The following CUL1 variants were observed in gnomAD, a reference collection of about 807,000 sequenced individuals.
The protein encoded by CUL1 is cullin 1.
CUL1 carries 24 observed loss-of-function variants against 118.0 expected under a neutral mutation model. The ratio of observed to expected loss-of-function variants is 0.20; its 90% CI spans 0.15 to 0.29. The LOEUF is 0.29. Among genes scored for constraint, CUL1 ranks in the 10% least tolerant of loss-of-function variants. The pLI, the probability that CUL1 is intolerant of heterozygous loss-of-function variation, is 1.00. For synonymous variants in CUL1, 332 were observed against 340.4 expected, an observed-to-expected ratio of 0.98 and a Z score of 0.27; for missense variants, 361 against 933.8, an observed-to-expected ratio of 0.39 and a Z score of 7.99.
intron 9 of CUL1, among the ~76,000 whole-genome samples, chr7:148,769,853 G>A (rs1244280178): frequency 6.6e-6 from 1 of 151,970 alleles, no homozygotes; most frequent in African/African-American, 2.4e-5. Context: ...AATGTAGTGA[G>A]ACCCTGTCTC....
At chr7:148,776,184 T>C (rs1222954675) in intron 9 of CUL1, among the ~76,000 whole-genome samples, 1 of 146,216 alleles carries the variant, frequency 6.8e-6, no homozygotes, top group Non-Finnish European at 1.5e-5. Flanking sequence ...AAGACCCCCC[T>C]CTGCCTTGGT....
chr7:148,745,470 G>A (rs946690142), intron 2 of CUL1, among the ~76,000 whole-genome samples: 7 of 152,070 alleles, frequency 4.6e-5, no homozygotes, highest in Non-Finnish European at 8.8e-5. Flanking sequence ...TCTTTTGGTG[G>A]TTCTCTGGTG....
rs531969691 is a variant in CUL1, at chr7:148,754,393, G to C, written c.315+243G>C. Among the ~76,000 whole-genome samples, 9 of 151,876 alleles carry C rather than the reference G, an allele frequency of 5.9e-5. No homozygotes were observed. In the South Asian group the frequency reaches 1.0e-3, roughly 18 times the overall value. On this transcript the variant is annotated intron_variant, in intron 3 of 21. Coordinates refer to ENST00000325222, the MANE Select transcript of CUL1 (RefSeq NM_003592.3). ...ACTATGTTGCCCAGGCTGGATTTTT[G>C]ATCTCCTGGGCTCAAGTGATCCTTC...
At chr7:148,743,499 C>A (rs934178294) in intron 2 of CUL1, among the ~76,000 whole-genome samples, 6 of 152,220 alleles carry the variant, frequency 3.9e-5, no homozygotes, top group Non-Finnish European at 8.8e-5. Flanking sequence ...CCATACAGAT[C>A]ATCCAAGTTG....
intron 3 of CUL1, among the ~76,000 whole-genome samples, chr7:148,756,313 T>C (rs1584794240): frequency 6.6e-6 from 1 of 152,170 alleles, no homozygotes; most frequent in Non-Finnish European, 1.5e-5. Context: ...TCTGAATTGC[T>C]AAGTAGGACA....
chr7:148,739,296 A>G (rs542220833), intron 2 of CUL1, among the ~76,000 whole-genome samples: 1 of 152,288 alleles, frequency 6.6e-6, no homozygotes, highest in East Asian at 1.9e-4. Flanking sequence ...ATTTCTCCAT[A>G]TAGTTCAGTT....
intron 2 of CUL1, among the ~76,000 whole-genome samples, chr7:148,752,097 G>A (rs1043006178): frequency 6.6e-6 from 1 of 152,112 alleles, no homozygotes; most frequent in Non-Finnish European, 1.5e-5. Context: ...GGCAACAAGA[G>A]TGAAACTCCA....
At chr7:148,751,887 G>T (rs1333374056) in intron 2 of CUL1, among the ~76,000 whole-genome samples, 1 of 152,210 alleles carries the variant, frequency 6.6e-6, no homozygotes, top group African/African-American at 2.4e-5. Flanking sequence ...GGCCGAGGAG[G>T]CTGGATAGCC....
At chr7:148,795,769 CAAAA>C (rs915978562) in intron 17 of CUL1, among the ~76,000 whole-genome samples, 7 of 56,096 alleles carry the variant, frequency 1.2e-4, no homozygotes, top group Admixed American at 2.1e-4. Context: ...GACTCTGTCT[CAAAA>C]AAAAAAAAAA....
chr7:148,751,459 C>T (rs190544406), intron 2 of CUL1, among the ~76,000 whole-genome samples: 1,470 of 143,086 alleles, frequency 0.01, 6 homozygotes, highest in Admixed American at 0.015. Context: ...CGCTTGATCC[C>T]GGGAGGCAGA....
chr7:148,790,142 A>G (rs539776786), intron 15 of CUL1, among the ~76,000 whole-genome samples, 168 bp from the exon 16 acceptor site: 2 of 152,354 alleles, frequency 1.3e-5, no homozygotes, highest in East Asian at 3.9e-4. Context: ...TGTACCTTCC[A>G]GTGCTTAAAG....
Position 148,767,618 on chromosome 7 carries a change from G to T in CUL1, c.953-1G>T. 1 of 1,613,312 alleles carries T rather than the reference G, an allele frequency of 6.2e-7. No individual in the cohort carries two copies. Among genetic ancestry groups the T allele is most frequent in the South Asian group, 1.1e-5 (1 of 90,856 alleles). ...ATAAAAGGGGTTTCTTCCTCTTTCA[G>T]ATTTGGGACGCATGTATAATCTTGT... On this transcript the variant is annotated splice_acceptor_variant, in intron 8 of 21. Coordinates refer to ENST00000325222, the MANE Select transcript of CUL1 (RefSeq NM_003592.3). LOFTEE classifies it high-confidence loss of function.
intron 2 of CUL1, among the ~76,000 whole-genome samples, chr7:148,731,280 T>C (rs955269587): frequency 5.9e-5 from 9 of 152,314 alleles, no homozygotes; most frequent in Admixed American, 5.9e-4. Context: ...TTCTAGGACT[T>C]TAAAGTTGCT....
At chr7:148,795,714 G>T (rs1801172239) in intron 17 of CUL1, among the ~76,000 whole-genome samples, 1 of 149,556 alleles carries the variant, frequency 6.7e-6, no homozygotes. Context: ...AGCTTGCAGT[G>T]AGCCCTGATT....
rs1264722725 is a variant in CUL1 at position 148,730,100 on chromosome 7, A to G, written c.-23A>G. On this transcript the variant is annotated 5_prime_UTR_variant, in exon 2 of 22. Transcript: ENST00000325222. The stretch of plus-strand genomic sequence containing the variant: ...CTTTGAATAAGGATTGCTGCACTGG[A>G]CGACTTTAGAACATCCCTCACAATG... 6.2e-7 allele frequency: 1 copy of G among 1,607,906 alleles called. No individual in the cohort carries two copies. Among genetic ancestry groups the G allele is most frequent in the Admixed American group, 1.7e-5 (1 of 59,062 alleles).
At chr7:148,750,714 C>G (rs969481017) in intron 2 of CUL1, among the ~76,000 whole-genome samples, 27 of 152,170 alleles carry the variant, frequency 1.8e-4, no homozygotes, top group African/African-American at 6.5e-4. Flanking sequence ...GTCAAAGCTT[C>G]AAAGGACAGG....
chr7:148,742,030 G>C (rs1799157001), intron 2 of CUL1, among the ~76,000 whole-genome samples: 1 of 152,198 alleles, frequency 6.6e-6, no homozygotes, highest in South Asian at 2.1e-4. Flanking sequence ...AAATTGTGAT[G>C]TTTGAGTCCT....
chr7:148,748,000 C>T (rs1005512462), intron 2 of CUL1, among the ~76,000 whole-genome samples: 3 of 151,946 alleles, frequency 2.0e-5, no homozygotes, highest in African/African-American at 7.3e-5. Flanking sequence ...TAGAATCTTC[C>T]AAAATTGTTG....
intron 1 of CUL1, among the ~76,000 whole-genome samples, chr7:148,700,671 C>T (rs1797693623): frequency 6.6e-6 from 1 of 152,082 alleles, no homozygotes; most frequent in Non-Finnish European, 1.5e-5. Flanking sequence ...CTATTAATGC[C>T]CATTTTTGGA....
Sources: allele counts gnomAD v4.1 joint callset (sites outside exome capture counted in the v4.1 genomes callset), GRCh38; gene constraint gnomAD v4.1.1; transcripts MANE v1.5; gene names NCBI Gene and HGNC (gene_info 2026-07-23, HGNC 2026-07-21).